The following ISCA1 variants were observed in gnomAD, a reference collection of about 807,000 sequenced individuals.
ISCA1 encodes the protein iron-sulfur cluster assembly 1.
A neutral mutation model predicts 14.7 loss-of-function variants in ISCA1; 9 were observed. That is an observed-to-expected ratio of 0.61 (90% CI 0.37 to 1.07). ISCA1 has a LOEUF of 1.07. Among genes scored for constraint, ISCA1 ranks in the 50% least tolerant of loss-of-function variants. The pLI is 0.01. For synonymous variants in ISCA1, 38 were observed against 54.3 expected (o/e 0.70, Z 1.32); for missense variants, 102 against 150.1 (o/e 0.68, Z 1.67).
chr9:86,266,626 A>G (rs1199017175), intron 3 of ISCA1, among the ~76,000 whole-genome samples: 1 of 152,204 alleles, frequency 6.6e-6, no homozygotes, highest in Non-Finnish European at 1.5e-5. Context: ...GGCTATTTTA[A>G]TAACATCAAT....
intron 1 of ISCA1, among the ~76,000 whole-genome samples, chr9:86,281,304 A>C (rs1319294610): frequency 6.6e-6 from 1 of 152,236 alleles, no homozygotes; most frequent in African/African-American, 2.4e-5. Flanking sequence ...AAATTCTCTC[A>C]CCTGATCACA....
chr9:86,276,384 G>C (rs1825439166), intron 1 of ISCA1, among the ~76,000 whole-genome samples: 1 of 152,160 alleles, frequency 6.6e-6, no homozygotes, highest in Admixed American at 6.5e-5. Flanking sequence ...ACCAGTACCA[G>C]TCTGTAGCGC....
At chr9:86,267,995 A>G (rs1166784537) in intron 3 of ISCA1, among the ~76,000 whole-genome samples, 1 of 152,136 alleles carries the variant, frequency 6.6e-6, no homozygotes, top group Non-Finnish European at 1.5e-5. Context: ...AAGTCTAAGC[A>G]TGTTCAATTA....
chr9:86,278,954 T>G (rs1161462044), intron 1 of ISCA1, among the ~76,000 whole-genome samples: 1 of 152,196 alleles, frequency 6.6e-6, no homozygotes, highest in East Asian at 1.9e-4. Context: ...ACTACATCCT[T>G]CACCAACAGG....
At position 86,273,218 on chromosome 9, in the gene ISCA1, C is replaced by T. The variant is rs531267207; in HGVS notation, c.135+971G>A. Among the ~76,000 whole-genome samples, 165 of 152,276 alleles carry T rather than the reference C, an allele frequency of 1.1e-3. 2 individuals carry two copies. In the South Asian group the frequency reaches 0.023, roughly 21 times the overall value. ...CAACAGAAACCAGAAATCACCCCAC[C>T]GTCTAATTATTAAATATTGCAATCC... On this transcript the variant is annotated intron_variant, in intron 2 of 3. Transcript: ENST00000375991.
chr9:86,280,295 T>C (rs1239193950), intron 1 of ISCA1, among the ~76,000 whole-genome samples: 1 of 152,098 alleles, frequency 6.6e-6, no homozygotes, highest in Non-Finnish European at 1.5e-5. Context: ...ATAGAAATTC[T>C]GAAGGAAGGG....
At chr9:86,280,278 G>T (rs899189412) in intron 1 of ISCA1, among the ~76,000 whole-genome samples, 1 of 152,076 alleles carries the variant, frequency 6.6e-6, no homozygotes, top group Non-Finnish European at 1.5e-5. Flanking sequence ...GAGAGAAAGG[G>T]ACTGACATAG....
chr9:86,281,513 T>C (rs1587822526), intron 1 of ISCA1, among the ~76,000 whole-genome samples: 1 of 152,172 alleles, frequency 6.6e-6, no homozygotes, highest in East Asian at 1.9e-4. Context: ...GTGAAAGTAT[T>C]TTGGAACTAG....
At chr9:86,280,834 G>A (rs932690262) in intron 1 of ISCA1, among the ~76,000 whole-genome samples, 1 of 151,986 alleles carries the variant, frequency 6.6e-6, no homozygotes, top group African/African-American at 2.4e-5. Flanking sequence ...AGCCTGAGGT[G>A]GGAGGATCGC....
At chr9:86,275,531 G>A (rs1203787598) in intron 1 of ISCA1, among the ~76,000 whole-genome samples, 2 of 152,090 alleles carry the variant, frequency 1.3e-5, no homozygotes, top group African/African-American at 4.8e-5. Context: ...AGTTTAGAAG[G>A]GCATGAAAGC....
At chr9:86,271,102 A>AATG (rs1825363543) in intron 3 of ISCA1, among the ~76,000 whole-genome samples, 1 of 151,974 alleles carries the variant, frequency 6.6e-6, no homozygotes, top group Admixed American at 6.6e-5. Context: ...TAATAATAAT[A>AATG]ATAATAAAAG....
At chr9:86,269,167 G>A (rs1455741399) in intron 3 of ISCA1, among the ~76,000 whole-genome samples, 2 of 152,162 alleles carry the variant, frequency 1.3e-5, no homozygotes, top group Admixed American at 1.3e-4. Flanking sequence ...TGGGACAACA[G>A]GCTTGTGTTA....
intron 1 of ISCA1, 29 bp downstream of exon 1, chr9:86,282,348 CG>C (rs1007266574): frequency 6.5e-7 from 1 of 1,535,042 alleles, no homozygotes; most frequent in African/African-American, 1.4e-5. Flanking sequence ...AGCAATGTCA[CG>C]GGCCCCGCCG....
At chr9:86,268,079 T>A (rs1427469883) in intron 3 of ISCA1, among the ~76,000 whole-genome samples, 1 of 152,116 alleles carries the variant, frequency 6.6e-6, no homozygotes, top group East Asian at 1.9e-4. Flanking sequence ...ATACTTTTTA[T>A]TGTTTAAAAT....
intron 1 of ISCA1, among the ~76,000 whole-genome samples, chr9:86,281,527 G>C (rs769405856): frequency 2.2e-4 from 34 of 152,214 alleles, no homozygotes; most frequent in Non-Finnish European, 7.3e-5. Context: ...GAACTAGATA[G>C]AGGTGATGGT....
chr9:86,271,586 T>C (rs534352115), intron 3 of ISCA1, among the ~76,000 whole-genome samples: 54 of 152,334 alleles, frequency 3.5e-4, no homozygotes, highest in African/African-American at 1.3e-3. Flanking sequence ...TTGACACAGA[T>C]ATAAAACTAC....
intron 3 of ISCA1, among the ~76,000 whole-genome samples, chr9:86,270,486 CT>C (rs1324938524): frequency 1.3e-5 from 2 of 150,420 alleles, no homozygotes; most frequent in African/African-American, 4.9e-5. Context: ...CACTTTTACA[CT>C]GGTGGTGGGA....
rs1336623922 is a variant in ISCA1 at position 86,282,500 on chromosome 9, G to A, written c.-42C>T. On this transcript the variant is annotated 5_prime_UTR_variant, in exon 1 of 4. Transcript: ENST00000375991. The stretch of plus-strand genomic sequence containing the variant: ...CCCCGGTGCCTCGGGCCGAAGGTCG[G>A]CCGCCTCAGCTTCTCTCCATGGACA... The A allele has an allele frequency of 3.2e-6, 5 of 1,549,750 alleles. No individual in the cohort carries two copies. The highest frequency in any genetic ancestry group is 4.4e-6 in the Non-Finnish European group (5 of 1,146,690).
At chr9:86,273,924 G>A (rs1023153435) in intron 2 of ISCA1, among the ~76,000 whole-genome samples, 18 of 152,092 alleles carry the variant, frequency 1.2e-4, no homozygotes, top group African/African-American at 3.4e-4. Context: ...AGGTCTAGCC[G>A]CTTCAAATGT....
Sources: allele counts gnomAD v4.1 joint callset (sites outside exome capture counted in the v4.1 genomes callset), GRCh38; gene constraint gnomAD v4.1.1; transcripts MANE v1.5; gene names NCBI Gene and HGNC (gene_info 2026-07-23, HGNC 2026-07-21).